FBXO34: variants seen among roughly 807,000 people sequenced by gnomAD.
The protein encoded by FBXO34 is F-box protein 34, also known as F-box only protein 34.
In FBXO34, 12 loss-of-function variants were observed where a neutral mutation model predicts 24.5. The ratio of observed to expected loss-of-function variants is 0.49; its 90% CI spans 0.31 to 0.79. FBXO34 has a LOEUF of 0.79. FBXO34 is among the 30% of genes least tolerant of loss of function. The pLI is 0.04. For synonymous variants in FBXO34, 320 were observed against 311.9 expected (o/e 1.03, Z -0.27); for missense variants, 823 against 857.7 (o/e 0.96, Z 0.51).
intron 1 of FBXO34, among the ~76,000 whole-genome samples, chr14:55,290,216 A>ACTC (rs1174384569): frequency 2.6e-5 from 4 of 152,002 alleles, no homozygotes; most frequent in Admixed American, 1.3e-4. Context: ...CAACATGGTG[A>ACTC]AACCCCGTCT....
chr14:55,410,621 G>A, the FBXO34 span, among the ~76,000 whole-genome samples: 2 of 152,196 alleles, frequency 1.3e-5, no homozygotes, highest in Admixed American at 1.3e-4. Flanking sequence ...AGGATATAAA[G>A]TCTAGTGGTT....
chr14:55,363,681 C>T (rs900221183), downstream of FBXO34, among the ~76,000 whole-genome samples: 6 of 152,072 alleles, frequency 3.9e-5, no homozygotes, highest in Non-Finnish European at 7.3e-5. Context: ...GAGCTGCATG[C>T]GGCCCAGGAT....
chr14:55,395,209 T>G, the FBXO34 span: 1 of 398,230 alleles, frequency 2.5e-6, no homozygotes. Context: ...GCCCATTCAG[T>G]GGAGCTGACC....
intron 1 of FBXO34, among the ~76,000 whole-genome samples, chr14:55,339,067 CA>C (rs930685244): frequency 6.6e-6 from 1 of 152,050 alleles, no homozygotes; most frequent in African/African-American, 2.4e-5. Flanking sequence ...AAGATATATC[CA>C]GTTGTGAAAA....
At chr14:55,319,737 G>A (rs1215785476) in intron 1 of FBXO34, among the ~76,000 whole-genome samples, 2 of 152,074 alleles carry the variant, frequency 1.3e-5, no homozygotes, top group African/African-American at 2.4e-5. Context: ...GTGCAGTGGC[G>A]CAATCTCGGC....
intron 1 of FBXO34, among the ~76,000 whole-genome samples, chr14:55,324,406 A>G (rs375976471): frequency 1.3e-5 from 2 of 151,834 alleles, no homozygotes; most frequent in Admixed American, 1.3e-4. Flanking sequence ...ACATTTGTAT[A>G]TAATTATTGG....
At chr14:55,429,071 C>G in the FBXO34 span, 188 of 1,435,390 alleles carry the variant, frequency 1.3e-4, no homozygotes, top group Non-Finnish European at 1.6e-4. Flanking sequence ...CCACGTTTAT[C>G]TTTCAATGTA....
intron 1 of FBXO34, among the ~76,000 whole-genome samples, chr14:55,314,827 GC>G (rs1263090104): frequency 6.6e-6 from 1 of 152,132 alleles, no homozygotes; most frequent in Non-Finnish European, 1.5e-5. Flanking sequence ...TTAGTTGATA[GC>G]TGTTTAAGAC....
At chr14:55,298,205 G>GTT (rs143045616) in intron 1 of FBXO34, among the ~76,000 whole-genome samples, 58 of 146,240 alleles carry the variant, frequency 4.0e-4, no homozygotes, top group Admixed American at 1.1e-3. Context: ...AACACTGTGA[G>GTT]TTTTTTTTTT....
At chr14:55,402,926 A>AATAT in the FBXO34 span, among the ~76,000 whole-genome samples, 379 of 16,284 alleles carry the variant, frequency 0.023, 11 homozygotes, top group Admixed American at 0.026. Context: ...AAAAAAAAAA[A>AATAT]ATATATATAT....
intron 1 of FBXO34, among the ~76,000 whole-genome samples, chr14:55,338,472 A>G (rs946007233): frequency 6.6e-5 from 10 of 152,214 alleles, no homozygotes; most frequent in Admixed American, 2.6e-4. Flanking sequence ...TTTTATGGGT[A>G]TTTTGAGCTT....
intron 1 of FBXO34, among the ~76,000 whole-genome samples, chr14:55,325,602 A>G (rs1029192273): frequency 1.3e-5 from 2 of 151,946 alleles, no homozygotes; most frequent in African/African-American, 2.4e-5. Flanking sequence ...CAGCCTCCTG[A>G]GTAACTGGGA....
intron 1 of FBXO34, among the ~76,000 whole-genome samples, chr14:55,315,522 A>C (rs1287559406): frequency 6.6e-6 from 1 of 152,216 alleles, no homozygotes; most frequent in Non-Finnish European, 1.5e-5. Flanking sequence ...CAGGTTCTCC[A>C]AGTAGCTGCC....
At chr14:55,412,630 A>C in the FBXO34 span, among the ~76,000 whole-genome samples, 4 of 152,186 alleles carry the variant, frequency 2.6e-5, no homozygotes, top group African/African-American at 9.7e-5. Context: ...ATATGCCTCT[A>C]AACTACAGAG....
chr14:55,436,415 C>T, the FBXO34 span: 1 of 792,886 alleles, frequency 1.3e-6, no homozygotes, highest in Non-Finnish European at 2.0e-6. Context: ...TGTCTAAAGC[C>T]ACAATCCATT....
chr14:55,412,553 T>G, the FBXO34 span, among the ~76,000 whole-genome samples: 2 of 152,298 alleles, frequency 1.3e-5, no homozygotes, highest in East Asian at 3.9e-4. Flanking sequence ...TTCAAGTTTC[T>G]TTTGGTGGAT....
intron 1 of FBXO34, among the ~76,000 whole-genome samples, chr14:55,317,806 T>C (rs1184400586): frequency 6.6e-6 from 1 of 152,150 alleles, no homozygotes; most frequent in Non-Finnish European, 1.5e-5. Flanking sequence ...GGCATGCACA[T>C]GTTCACTTAA....
chr14:55,345,838 C>A (rs891421594), intron 1 of FBXO34, among the ~76,000 whole-genome samples: 1 of 152,004 alleles, frequency 6.6e-6, no homozygotes. Flanking sequence ...CCTGTCTCTA[C>A]AAAAAATTTT....
At chr14:55,283,850 T>A (rs569683275) in intron 1 of FBXO34, among the ~76,000 whole-genome samples, 1 of 152,162 alleles carries the variant, frequency 6.6e-6, no homozygotes, top group Non-Finnish European at 1.5e-5. Context: ...AAAAAAATAC[T>A]AACTTTACTG....
Sources: allele counts gnomAD v4.1 joint callset (sites outside exome capture counted in the v4.1 genomes callset), GRCh38; gene constraint gnomAD v4.1.1; transcripts MANE v1.5; gene names NCBI Gene and HGNC (gene_info 2026-07-23, HGNC 2026-07-21).